Variants in NCOR2 observed in about 807,000 individuals in gnomAD.
NCOR2 encodes CTG repeat protein 26.
A neutral mutation model predicts 262.9 loss-of-function variants in NCOR2; 81 were observed. The ratio of observed to expected loss-of-function variants is 0.31; its 90% CI spans 0.26 to 0.37. NCOR2 has a LOEUF of 0.37. Among genes scored for constraint, NCOR2 ranks in the 10% least tolerant of loss-of-function variants. The pLI, the probability that NCOR2 is intolerant of heterozygous loss-of-function variation, is 1.00. For synonymous variants in NCOR2, 1,659 were observed against 1,559.3 expected, an observed-to-expected ratio of 1.06 and a Z score of -1.51; for missense variants, 3,385 against 3,621.4, an observed-to-expected ratio of 0.93 and a Z score of 1.68.
chr12:124,563,741 A>C (rs541448009), intron 1 of NCOR2, among the ~76,000 whole-genome samples: 72 of 152,366 alleles, frequency 4.7e-4, no homozygotes, highest in African/African-American at 1.6e-3. Flanking sequence ...AAGAAATGCC[A>C]GGCCCTATCC....
At chr12:124,354,913 C>G (rs750952172) in exon 25 of NCOR2, 8 of 1,612,540 alleles carry the variant, frequency 5.0e-6, no homozygotes, top group Middle Eastern at 1.7e-4. Context: ...GCTCTGAGTA[C>G]GGGACGTGGA....
intron 28 of NCOR2, among the ~76,000 whole-genome samples, chr12:124,350,323 C>T (rs952507398): frequency 2.6e-5 from 4 of 152,192 alleles, no homozygotes; most frequent in African/African-American, 7.2e-5. Context: ...GCTTCTGTTC[C>T]GGGCCTCAGT....
chr12:124,489,108 G>T (rs1288220290), intron 1 of NCOR2, among the ~76,000 whole-genome samples: 1 of 152,064 alleles, frequency 6.6e-6, no homozygotes, highest in Non-Finnish European at 1.5e-5. Flanking sequence ...GAGGCTCTAG[G>T]GGAAGGCAAG....
At chr12:124,495,299 C>T, upstream of NCOR2, 1 of 1,571,758 alleles carries the variant, frequency 6.4e-7, no homozygotes, top group East Asian at 2.3e-5. This position sits in a 1 kb window ranked among gnomAD's most constrained non-coding sequence, Gnocchi z 4.4. Context: ...AATAAGCTTT[C>T]TCTTAATCAC....
chr12:124,335,106 A>T, intron 40 of NCOR2, 29 bp downstream of exon 42: 1 of 1,612,290 alleles, frequency 6.2e-7, no homozygotes, highest in Non-Finnish European at 8.5e-7. Flanking sequence ...TGCAAAGGTG[A>T]CAAGCAGCAG....
At chr12:124,333,085 G>C (rs781275697) in intron 42 of NCOR2, 45 bp downstream of exon 44, 5 of 1,553,218 alleles carry the variant, frequency 3.2e-6, no homozygotes, top group Middle Eastern at 1.8e-4. Context: ...ATGGGCAAGG[G>C]ATACCAGAGC....
chr12:124,411,011 G>T (rs1284198427), intron 13 of NCOR2, among the ~76,000 whole-genome samples: 1 of 143,420 alleles, frequency 7.0e-6, no homozygotes, highest in Admixed American at 7.0e-5. Context: ...TGAGAGGAGA[G>T]ACCCAGGGAC....
chr12:124,435,572 G>A (rs1189401411), intron 8 of NCOR2, among the ~76,000 whole-genome samples: 1 of 152,194 alleles, frequency 6.6e-6, no homozygotes, highest in Non-Finnish European at 1.5e-5. Flanking sequence ...AGGGCCAAGG[G>A]AAGACCCTCC....
exon 10 of NCOR2, chr12:124,429,670 C>T (rs766925596): frequency 2.6e-5 from 42 of 1,609,126 alleles, no homozygotes; most frequent in Non-Finnish European, 3.3e-5. Context: ...TGCGGGCGGC[C>T]GACATGGACA....
In NCOR2 at chr12:124,340,199, C is replaced by CTGCTG; in HGVS notation, c.5493_5494insCAGCA (p.Glu1832GlnfsTer51). 6.0e-6 allele frequency: 5 copies of CTGCTG among 836,016 alleles called. No individual in the cohort carries two copies. Among genetic ancestry groups the CTGCTG allele is most frequent in the Non-Finnish European group, 7.8e-6 (5 of 638,556 alleles). 51.8% of individuals were successfully genotyped at this position (836,016 alleles called of 1,614,324 possible). On this transcript the variant is annotated frameshift_variant, in exon 37 of 47. Transcript: ENST00000405201. LOFTEE classifies it high-confidence loss of function. Reference sequence around the variant, plus strand: ...CCGCCGCTGCTGCCGCTGCTCTGCTCTGTACCTGGTGACAGTCAGTGGCAT... The same window carrying CTGCTG: ...CCGCCGCTGCTGCCGCTGCTCTGCTCTGCTGTGTACCTGGTGACAGTCAGTGGCAT...
chr12:124,407,270 C>T (rs954106448), intron 13 of NCOR2, among the ~76,000 whole-genome samples: 5 of 152,202 alleles, frequency 3.3e-5, no homozygotes, highest in African/African-American at 9.6e-5. Context: ...ATGGAGGCGC[C>T]GGTGACGAGG....
intron 18 of NCOR2, among the ~76,000 whole-genome samples, chr12:124,377,180 T>C (rs7963151): frequency 0.12 from 17,824 of 152,206 alleles, 1,278 homozygotes; most frequent in Non-Finnish European, 0.15. Flanking sequence ...ACAGCTCATG[T>C]GGTCACAGTC....
intron 3 of NCOR2, among the ~76,000 whole-genome samples, chr12:124,474,557 G>GGC (rs1307942823): frequency 1.3e-5 from 2 of 152,258 alleles, no homozygotes; most frequent in Admixed American, 6.5e-5. Context: ...AAACAACCCA[G>GGC]GCCTCACCTG....
chr12:124,363,633 T>G (rs2038791720), intron 21 of NCOR2, 46 bp downstream of exon 23: 1 of 1,319,080 alleles, frequency 7.6e-7, no homozygotes, highest in South Asian at 2.7e-5. Context: ...AATGGGAAAG[T>G]CAAGGTCAGG....
intron 6 of NCOR2, 90 bp from the exon 9 acceptor site, chr12:124,449,957 A>T (rs2045416775): frequency 7.3e-7 from 1 of 1,374,104 alleles, no homozygotes; most frequent in Non-Finnish European, 1.0e-6. Context: ...CCTGGCACGG[A>T]GGAGCTGTCC....
At chr12:124,427,888 G>A (rs914843316) in intron 10 of NCOR2, among the ~76,000 whole-genome samples, 2 of 152,004 alleles carry the variant, frequency 1.3e-5, no homozygotes, top group Admixed American at 6.5e-5. Flanking sequence ...CCTGTCCTCC[G>A]GCCCAGCCCC....
intron 7 of NCOR2, among the ~76,000 whole-genome samples, chr12:124,444,029 A>C (rs996816490): frequency 6.6e-6 from 1 of 151,278 alleles, no homozygotes; most frequent in South Asian, 2.1e-4. Flanking sequence ...CCTCACTCAA[A>C]CCTTCCTTCC....
Position 124,544,756 on chromosome 12 carries a change from T to C in NCOR2, c.-164-9145A>G, listed in dbSNP as rs183735682. 3.9e-4 allele frequency among the ~76,000 whole-genome samples: 60 copies of C among 152,208 alleles called. No homozygotes were observed. In the East Asian group the frequency reaches 6.6e-3, roughly 17 times the overall value. On this transcript the variant is annotated intron_variant, in intron 1 of 32. Coordinates refer to the NCOR2 transcript ENST00000458234. ...ACAGGAGGGGACAGCCAGGCACAAG[T>C]GGGGCTGACATACAGAGTCCCCGGT...
At chr12:124,373,062 C>T (rs530263776) in intron 19 of NCOR2, among the ~76,000 whole-genome samples, 6 of 152,380 alleles carry the variant, frequency 3.9e-5, no homozygotes, top group Admixed American at 6.5e-5. Flanking sequence ...ATCTGCAGAA[C>T]GGGAGAACAA....
Sources: allele counts gnomAD v4.1 joint callset (sites outside exome capture counted in the v4.1 genomes callset), GRCh38; gene constraint gnomAD v4.1.1; non-coding constraint Gnocchi (gnomAD v3.1); transcripts MANE v1.5; gene names NCBI Gene and HGNC (gene_info 2026-07-23, HGNC 2026-07-21).